Variants in CEP350 observed in about 807,000 individuals in gnomAD.
The protein encoded by CEP350 is centrosome-associated protein 350.
In CEP350, 126 loss-of-function variants were observed where a neutral mutation model predicts 331.8. The observed-to-expected ratio is 0.38, with a 90% CI of 0.33 to 0.44. The LOEUF is 0.44. Ranked by LOEUF, CEP350 falls within the 20% of genes least tolerant of loss-of-function variation. CEP350 has a pLI of 1.00. For missense variants in CEP350, 3,406 were observed against 3,634.6 expected, an observed-to-expected ratio of 0.94 and a Z score of 1.62; for synonymous variants, 1,200 against 1,259.5, an observed-to-expected ratio of 0.95 and a Z score of 1.00.
At chr1:180,074,988 T>C (rs2149061882) in intron 27 of CEP350, 34 bp from the exon 28 acceptor site, 8 of 1,559,984 alleles carry the variant, frequency 5.1e-6, no homozygotes, top group Non-Finnish European at 6.9e-6. Flanking sequence ...TATAGGTTTT[T>C]TCTCTCAAAC....
chr1:180,018,857 CTT>C (rs5779042), intron 11 of CEP350, among the ~76,000 whole-genome samples: 14 of 142,100 alleles, frequency 9.9e-5, no homozygotes, highest in Non-Finnish European at 1.8e-4. Context: ...CTCTTTCTTT[CTT>C]TTTTTTTTTT....
At chr1:179,961,732 G>T (rs527723159) in intron 1 of CEP350, among the ~76,000 whole-genome samples, 23 of 152,238 alleles carry the variant, frequency 1.5e-4, no homozygotes, top group Admixed American at 9.2e-4. Context: ...ACACGTGCAG[G>T]TTCGTTACAT....
chr1:180,024,698 A>C, intron 14 of CEP350, 116 bp downstream of exon 14: 1 of 1,162,714 alleles, frequency 8.6e-7, no homozygotes, highest in Non-Finnish European at 1.1e-6. Flanking sequence ...TAATGTAATT[A>C]GCTTTCATAT....
intron 14 of CEP350, among the ~76,000 whole-genome samples, chr1:180,030,315 GTA>G (rs961734986): frequency 7.0e-6 from 1 of 143,434 alleles, no homozygotes; most frequent in African/African-American, 2.5e-5. Context: ...GTGTATATAT[GTA>G]TATATATACA....
chr1:179,967,340 C>A (rs1161586775), intron 1 of CEP350, among the ~76,000 whole-genome samples: 1 of 152,098 alleles, frequency 6.6e-6, no homozygotes, highest in Non-Finnish European at 1.5e-5. Flanking sequence ...TTGTGGCACC[C>A]TCCTTTTTAA....
At chr1:180,107,130 A>G (rs532450431) in intron 37 of CEP350, among the ~76,000 whole-genome samples, 1 of 152,318 alleles carries the variant, frequency 6.6e-6, no homozygotes, top group East Asian at 1.9e-4. Flanking sequence ...AAACTTATCT[A>G]TTCTATATGC....
chr1:179,993,575 A>G (rs928441770), intron 5 of CEP350, among the ~76,000 whole-genome samples: 8 of 151,948 alleles, frequency 5.3e-5, no homozygotes, highest in South Asian at 2.1e-4. Flanking sequence ...GCTAGCTACC[A>G]TGACCGACTA....
intron 3 of CEP350, among the ~76,000 whole-genome samples, chr1:179,988,642 G>T (rs1652820947): frequency 6.6e-6 from 1 of 151,852 alleles, no homozygotes; most frequent in Admixed American, 6.6e-5. Flanking sequence ...AATTTGGCAG[G>T]TGATGCATAG....
rs1572021648 is a variant in CEP350 at position 180,114,851 on chromosome 1, G to A, written c.*3690G>A. 6.5e-6 allele frequency: 1 copy of A among 152,766 alleles called. No homozygotes were observed. The highest frequency in any genetic ancestry group is 3.4e-3 in the Middle Eastern group (1 of 294). The allele number at this position is 152,766 out of a possible 1,614,324, so 9.5% of individuals were successfully genotyped here. ...ATATACTTTAAGAAAGATAAAATCT[G>A]TAAATAAACTGATTTATAAATTAAT... is the stretch of plus-strand genomic sequence containing the variant. On this transcript the variant is annotated 3_prime_UTR_variant, in exon 38 of 38. Coordinates refer to ENST00000367607, the MANE Select transcript of CEP350 (RefSeq NM_014810.5).
intron 37 of CEP350, among the ~76,000 whole-genome samples, chr1:180,108,596 T>G (rs1188862664): frequency 6.6e-6 from 1 of 152,184 alleles, no homozygotes; most frequent in Non-Finnish European, 1.5e-5. Context: ...ATGTGAAATT[T>G]TTTGTGCACA....
At chr1:179,995,282 C>T (rs1208990010) in intron 5 of CEP350, among the ~76,000 whole-genome samples, 1 of 152,076 alleles carries the variant, frequency 6.6e-6, no homozygotes, top group East Asian at 1.9e-4. Flanking sequence ...CTTCATTAGC[C>T]TCCCTTTTCA....
At chr1:179,987,314 A>G in intron 3 of CEP350, 28 bp downstream of exon 3, 1 of 1,350,798 alleles carries the variant, frequency 7.4e-7, no homozygotes, top group Non-Finnish European at 1.0e-6. Flanking sequence ...CCATTTATTT[A>G]TTTCTGGATT....
chr1:180,004,446 A>G (rs970368804), intron 7 of CEP350, among the ~76,000 whole-genome samples: 1 of 152,206 alleles, frequency 6.6e-6, no homozygotes, highest in Non-Finnish European at 1.5e-5. Context: ...ATGCTCATCA[A>G]CATACTATGT....
At chr1:180,085,936 T>G (rs893524814) in intron 31 of CEP350, 1 of 152,210 alleles carries the variant, frequency 6.6e-6, no homozygotes, top group Non-Finnish European at 1.5e-5. Flanking sequence ...GGTGTGAGTA[T>G]TATTATCCCT....
chr1:180,028,532 A>G (rs886922203), intron 14 of CEP350, among the ~76,000 whole-genome samples: 4 of 152,156 alleles, frequency 2.6e-5, no homozygotes, highest in Non-Finnish European at 5.9e-5. Flanking sequence ...GCTCACTCCT[A>G]TAATCTCAGC....
rs1359980867 is a variant in CEP350, at chr1:180,075,024, T to A, written c.5570T>A (p.Phe1857Tyr). 6.2e-7 allele frequency: 1 copy of A among 1,609,182 alleles called. No homozygotes were observed. The highest frequency in any genetic ancestry group is 1.1e-5 in the South Asian group (1 of 90,142). ...KKMRSRMDEKFLTKREQKLMQ... is the reference protein window; with the variant it reads ...KKMRSRMDEKYLTKREQKLMQ... The stretch of plus-strand genomic sequence containing the variant: ...TGTTCTTCATGGTGTGACCATAGGT[T>A]TCTGACAAAGCGGGAGCAAAAATTA... Residue 1857 changes from phenylalanine to tyrosine, a missense_variant and splice_region_variant, in exon 28 of 38, where the codon TTT becomes TAT. Around this residue, in one of 5 missense-constraint regions of CEP350, gnomAD observed 1,415 missense variants for 1,512.3 expected, o/e 0.94. Coordinates refer to ENST00000367607, the MANE Select transcript of CEP350 (RefSeq NM_014810.5).
chr1:180,046,902 C>T (rs185131798), intron 21 of CEP350, among the ~76,000 whole-genome samples: 9 of 152,356 alleles, frequency 5.9e-5, no homozygotes, highest in Non-Finnish European at 8.8e-5. Flanking sequence ...CCATGTCCTT[C>T]TGACTTGAAA....
At chr1:180,061,244 G>T (rs980854023) in intron 25 of CEP350, among the ~76,000 whole-genome samples, 4 of 152,132 alleles carry the variant, frequency 2.6e-5, no homozygotes, top group African/African-American at 9.7e-5. Context: ...TTCCTGGGCT[G>T]GAGTGCAGTG....
intron 7 of CEP350, among the ~76,000 whole-genome samples, 183 bp from the exon 8 acceptor site, chr1:180,006,271 A>T (rs1654248227): frequency 6.6e-6 from 1 of 152,130 alleles, no homozygotes; most frequent in South Asian, 2.1e-4. Context: ...TATATTTTCC[A>T]ACTCCTTTTT....
Sources: allele counts gnomAD v4.1 joint callset (sites outside exome capture counted in the v4.1 genomes callset), GRCh38; gene constraint gnomAD v4.1.1; regional missense constraint gnomAD v4.1.1; transcripts MANE v1.5; gene names NCBI Gene and HGNC (gene_info 2026-07-23, HGNC 2026-07-21).